The following ADARB2 variants were observed in gnomAD, a reference collection of about 807,000 sequenced individuals.
ADARB2 encodes the protein inactive double-stranded RNA-specific editase B2.
A neutral mutation model predicts 62.2 loss-of-function variants in ADARB2; 25 were observed. That is an observed-to-expected ratio of 0.40 (90% CI 0.29 to 0.56). The LOEUF is 0.56. Ranked by LOEUF, ADARB2 falls within the 20% of genes least tolerant of loss-of-function variation. ADARB2 has a pLI of 0.43. For missense variants in ADARB2, 1,071 were observed against 1,077.4 expected, an observed-to-expected ratio of 0.99 and a Z score of 0.08; for synonymous variants, 572 against 500.8, an observed-to-expected ratio of 1.14 and a Z score of -1.90.
intron 4 of ADARB2, among the ~76,000 whole-genome samples, chr10:1,252,054 T>C (rs996258085): frequency 1.1e-4 from 16 of 152,296 alleles, no homozygotes; most frequent in African/African-American, 3.6e-4. Context: ...ACACAGGGCT[T>C]CTCCCCAGCA....
intron 1 of ADARB2, among the ~76,000 whole-genome samples, chr10:1,516,529 T>TGGGCTGCTCTGATCTGTGC (rs1832011384): frequency 6.6e-6 from 1 of 151,330 alleles, no homozygotes; most frequent in African/African-American, 2.4e-5. Context: ...CTGTGCTGTG[T>TGGGCTGCTCTGATCTGTGC]GGGCTGCTCT....
intron 1 of ADARB2, chr10:1,535,606 G>A (rs1043730317): frequency 6.0e-6 from 1 of 167,490 alleles, no homozygotes; most frequent in South Asian, 2.1e-4. Context: ...CAATGTCGCT[G>A]ATGGCGAGAT....
At chr10:1,194,489 A>G (rs934317639) in intron 8 of ADARB2, among the ~76,000 whole-genome samples, 8 of 151,162 alleles carry the variant, frequency 5.3e-5, no homozygotes, top group Non-Finnish European at 1.0e-4. Context: ...TCTGTCATCT[A>G]TCTATCATCT....
At chr10:1,704,000 A>G (rs1451335302) in intron 1 of ADARB2, among the ~76,000 whole-genome samples, 2 of 152,238 alleles carry the variant, frequency 1.3e-5, no homozygotes, top group East Asian at 3.8e-4. Flanking sequence ...TGGATGCTAC[A>G]TTAGCTATCT....
chr10:1,350,412 A>G (rs1832125193), intron 3 of ADARB2, among the ~76,000 whole-genome samples: 1 of 151,724 alleles, frequency 6.6e-6, no homozygotes, highest in Non-Finnish European at 1.5e-5. Context: ...AGACCGAGCT[A>G]GGTCCCAATT....
At chr10:1,343,781 C>G (rs894324162) in intron 3 of ADARB2, among the ~76,000 whole-genome samples, 6 of 152,136 alleles carry the variant, frequency 3.9e-5, no homozygotes, top group African/African-American at 1.2e-4. Flanking sequence ...AAAAGAAAGC[C>G]AAATATCCAT....
intron 3 of ADARB2, among the ~76,000 whole-genome samples, chr10:1,354,811 G>A (rs945525537): frequency 6.6e-6 from 1 of 152,204 alleles, no homozygotes; most frequent in East Asian, 1.9e-4. Context: ...GTAATGATGA[G>A]TCCCAAAGGA....
intron 1 of ADARB2, among the ~76,000 whole-genome samples, chr10:1,663,073 CAG>C (rs1834269936): frequency 6.6e-6 from 1 of 152,210 alleles, no homozygotes; most frequent in South Asian, 2.1e-4. Flanking sequence ...TTGGTAAACT[CAG>C]TTAATAAATT....
intron 1 of ADARB2, among the ~76,000 whole-genome samples, chr10:1,709,395 C>G (rs1834926431): frequency 1.3e-5 from 2 of 152,180 alleles, no homozygotes; most frequent in African/African-American, 4.8e-5. Flanking sequence ...TAGAAAGAAT[C>G]CATCTGTTTT....
intron 1 of ADARB2, among the ~76,000 whole-genome samples, chr10:1,423,005 G>A (rs1049886252): frequency 6.6e-6 from 1 of 152,184 alleles, no homozygotes; most frequent in East Asian, 1.9e-4. Flanking sequence ...TGTTCTGTGA[G>A]CCTGTGTTCC....
intron 1 of ADARB2, among the ~76,000 whole-genome samples, chr10:1,616,971 A>G (rs1295084704): frequency 1.4e-3 from 176 of 122,130 alleles, no homozygotes; most frequent in Middle Eastern, 6.4e-3. Context: ...CTGGGAACTG[A>G]CCTCAGAGGG....
At chr10:1,590,191 C>G (rs534713397) in intron 1 of ADARB2, among the ~76,000 whole-genome samples, 3 of 152,294 alleles carry the variant, frequency 2.0e-5, no homozygotes, top group Admixed American at 1.3e-4. Flanking sequence ...AGGTCAGTGG[C>G]CTTGGTGACT....
At chr10:1,461,585 G>A (rs11250533) in intron 1 of ADARB2, among the ~76,000 whole-genome samples, 40,076 of 151,782 alleles carry the variant, frequency 0.26, 5,765 homozygotes, top group Middle Eastern at 0.46. Context: ...TAATGATATT[G>A]ATCTCTTGTG....
chr10:1,420,984 T>C (rs1459456113), intron 1 of ADARB2, among the ~76,000 whole-genome samples: 3 of 151,430 alleles, frequency 2.0e-5, no homozygotes, highest in Non-Finnish European at 4.4e-5. Context: ...CTCTCTCTGC[T>C]CTCACAGGGT....
chr10:1,615,323 A>C (rs1386809494), intron 1 of ADARB2, among the ~76,000 whole-genome samples: 2 of 152,088 alleles, frequency 1.3e-5, no homozygotes, highest in Admixed American at 6.5e-5. Flanking sequence ...TCCAGATTGA[A>C]GTGTGCCTGC....
intron 3 of ADARB2, among the ~76,000 whole-genome samples, chr10:1,286,030 C>A (rs111581743): frequency 2.0e-5 from 3 of 148,114 alleles, no homozygotes; most frequent in African/African-American, 7.5e-5. Flanking sequence ...CCCGAGTCCC[C>A]AGGCTCCTTT....
intron 1 of ADARB2, among the ~76,000 whole-genome samples, chr10:1,565,256 CA>C (rs1275778895): frequency 2.0e-5 from 3 of 152,176 alleles, no homozygotes; most frequent in African/African-American, 7.2e-5. Flanking sequence ...TTTCTTTATA[CA>C]AAAGACACAA....
rs149820614 is a variant in ADARB2 at position 1,558,180 on chromosome 10, C to A, written c.100+178871G>T. Among the ~76,000 whole-genome samples, 446 of 152,202 alleles carry A rather than the reference C, an allele frequency of 2.9e-3. 8 individuals carry two copies. Among genetic ancestry groups the A allele is most frequent in the East Asian group, 5.8e-3 (30 of 5,162 alleles). Reference sequence around the variant, plus strand: ...CAGGCTGTGCCTGGGCACCGTCTCCCCGGAGAGACCCCGCGTGCCCCATCT... The same window carrying A: ...CAGGCTGTGCCTGGGCACCGTCTCCACGGAGAGACCCCGCGTGCCCCATCT... On this transcript the variant is annotated intron_variant, in intron 1 of 9. Coordinates refer to ENST00000381312, the MANE Select transcript of ADARB2 (RefSeq NM_018702.4).
intron 8 of ADARB2, among the ~76,000 whole-genome samples, chr10:1,185,438 G>A (rs1048039413): frequency 6.6e-6 from 1 of 152,210 alleles, no homozygotes; most frequent in Non-Finnish European, 1.5e-5. Flanking sequence ...AAACACCGGG[G>A]CTAGTAAGCA....
Sources: allele counts gnomAD v4.1 joint callset (sites outside exome capture counted in the v4.1 genomes callset), GRCh38; gene constraint gnomAD v4.1.1; transcripts MANE v1.5; gene names NCBI Gene and HGNC (gene_info 2026-07-23, HGNC 2026-07-21).